Variants in FBLN7 observed in about 807,000 individuals in gnomAD.
FBLN7 encodes the protein fibulin 7.
A neutral mutation model predicts 44.0 loss-of-function variants in FBLN7; 31 were observed. That is an observed-to-expected ratio of 0.70 (90% CI 0.53 to 0.95). The LOEUF is 0.95. Among genes scored for constraint, FBLN7 ranks in the 40% least tolerant of loss-of-function variants. The pLI is 0.00. For missense variants in FBLN7, 573 were observed against 618.5 expected (o/e 0.93, Z 0.78); for synonymous variants, 262 against 253.4 (o/e 1.03, Z -0.32).
chr2:112,230,882 T>G, the FBLN7 span: 2 of 1,294,468 alleles, frequency 1.5e-6, no homozygotes, highest in East Asian at 7.3e-5. Context: ...AAAAAAGAAA[T>G]GTGGTAAATT....
chr2:112,187,707 C>CTTT lies in FBLN7; in HGVS notation c.*210_*212dup. 2 of 491,584 alleles carry CTTT rather than the reference C, an allele frequency of 4.1e-6. No individual in the cohort carries two copies. Among genetic ancestry groups the CTTT allele is most frequent in the Non-Finnish European group, 6.9e-6 (2 of 288,306 alleles). 30.5% of individuals were successfully genotyped at this position (491,584 alleles called of 1,614,324 possible). A position where few individuals can be genotyped will look rare whatever the true frequency, so the allele number is the denominator to read the frequency against. On this transcript the variant is annotated 3_prime_UTR_variant, in exon 8 of 8. Coordinates refer to ENST00000331203, the MANE Select transcript of FBLN7 (RefSeq NM_153214.3). The surrounding 1 kb of genome is among the most constrained non-coding windows in gnomAD (Gnocchi z 5.1). ...ACAAAACTCAACTGCTGCCATCACT[C>CTTT]TTTTTTTTTTTCTGCTTTGAGGCCC...
At chr2:112,186,070 G>A (rs546439499) in intron 7 of FBLN7, among the ~76,000 whole-genome samples, 1 of 152,220 alleles carries the variant, frequency 6.6e-6, no homozygotes, top group African/African-American at 2.4e-5. Flanking sequence ...AAGAAACTTA[G>A]TGGCACTGAA....
chr2:112,236,418 T>C, the FBLN7 span: 1 of 1,076,208 alleles, frequency 9.3e-7, no homozygotes, highest in Non-Finnish European at 1.3e-6. Context: ...CCAGTGACAG[T>C]AAAAGGACAT....
At chr2:112,192,152 T>C (rs1683512609), downstream of FBLN7, among the ~76,000 whole-genome samples, 1 of 152,284 alleles carries the variant, frequency 6.6e-6, no homozygotes, top group African/African-American at 2.4e-5. Context: ...TCACTCCTGA[T>C]TGACATTTGG....
chr2:112,151,090 C>T (rs977520403), intron 1 of FBLN7, among the ~76,000 whole-genome samples: 3 of 152,230 alleles, frequency 2.0e-5, no homozygotes, highest in Admixed American at 6.5e-5. Flanking sequence ...AGGGCCCAGC[C>T]GGTGCAAAGG....
At chr2:112,218,716 G>C in the FBLN7 span, among the ~76,000 whole-genome samples, 1 of 152,154 alleles carries the variant, frequency 6.6e-6, no homozygotes, top group Non-Finnish European at 1.5e-5. Context: ...TTAATCGACT[G>C]TTTATGTTCT....
intron 1 of FBLN7, among the ~76,000 whole-genome samples, chr2:112,143,342 G>T (rs887985254): frequency 1.3e-5 from 2 of 152,124 alleles, no homozygotes; most frequent in Non-Finnish European, 2.9e-5. Flanking sequence ...CTCTGGGCGG[G>T]CAGGGGATGC....
At chr2:112,143,384 G>A (rs1442325400) in intron 1 of FBLN7, among the ~76,000 whole-genome samples, 1 of 152,148 alleles carries the variant, frequency 6.6e-6, no homozygotes, top group South Asian at 2.1e-4. Context: ...CCTGTGTGGG[G>A]AGCTGCTATG....
chr2:112,208,731 T>G, the FBLN7 span, among the ~76,000 whole-genome samples: 2 of 152,212 alleles, frequency 1.3e-5, no homozygotes, highest in Admixed American at 6.5e-5. Context: ...CTGATAGTTT[T>G]TAATATTATC....
chr2:112,181,741 G>A lies in FBLN7; in HGVS notation c.535G>A (p.Ala179Thr). The A allele has an allele frequency of 5.1e-6, 7 of 1,381,572 alleles. No individual in the cohort carries two copies. Among genetic ancestry groups the A allele is most frequent in the South Asian group, 3.3e-5 (2 of 61,270 alleles). 85.6% of individuals were successfully genotyped at this position (1,381,572 alleles called of 1,614,324 possible). ...CTGAGCGTGTCTTCTCCCCGCAGCCGCCCCCGAGGGCAGCGTGGCCGGCGA... is the reference window on the plus strand; with the variant it reads ...CTGAGCGTGTCTTCTCCCCGCAGCCACCCCCGAGGGCAGCGTGGCCGGCGA... The part of the protein sequence containing the change: ...NRCQHQAQTA[A>T]PEGSVAGDSA... Residue 179 changes from alanine to threonine, a missense_variant and splice_region_variant, in exon 5 of 8, where the codon GCC (alanine) becomes ACC (threonine). Transcript: ENST00000331203.
chr2:112,207,755 A>T, the FBLN7 span, among the ~76,000 whole-genome samples: 69 of 152,316 alleles, frequency 4.5e-4, 2 homozygotes, highest in African/African-American at 1.3e-3. Context: ...CCCTTTTGTT[A>T]TTATGCAGTG....
At chr2:112,144,786 A>C (rs974538768) in intron 1 of FBLN7, among the ~76,000 whole-genome samples, 1 of 151,882 alleles carries the variant, frequency 6.6e-6, no homozygotes, top group Non-Finnish European at 1.5e-5. Context: ...CGGCCTCCCA[A>C]AGTGTTGGGA....
At chr2:112,233,616 C>T in the FBLN7 span, among the ~76,000 whole-genome samples, 11 of 152,202 alleles carry the variant, frequency 7.2e-5, no homozygotes, top group Non-Finnish European at 1.2e-4. Flanking sequence ...CGCCTGTAAT[C>T]CCAGCACTTT....
chr2:112,159,574 G>A (rs868195189), intron 1 of FBLN7, 102 bp from the exon 2 acceptor site: 2 of 1,350,166 alleles, frequency 1.5e-6, no homozygotes, highest in African/African-American at 1.5e-5. Flanking sequence ...AGCTTCAAAC[G>A]CGGTTTGGAC....
At chr2:112,185,468 G>A in intron 7 of FBLN7, 129 bp downstream of exon 7, 1 of 1,287,734 alleles carries the variant, frequency 7.8e-7, no homozygotes, top group South Asian at 1.6e-5. Context: ...AGGCTGGGAG[G>A]CTGGTGTCTC....
chr2:112,199,718 C>T, the FBLN7 span, among the ~76,000 whole-genome samples: 71 of 152,262 alleles, frequency 4.7e-4, no homozygotes, highest in East Asian at 6.6e-3. Context: ...TCCCTCTGCC[C>T]TCATGAATGA....
At chr2:112,238,350 G>T in the FBLN7 span, 1 of 1,613,632 alleles carries the variant, frequency 6.2e-7, no homozygotes, top group African/African-American at 1.3e-5. Flanking sequence ...TTTCTTTGTA[G>T]ATTCTTCAGG....
At chr2:112,164,187 T>A (rs1004897778) in intron 2 of FBLN7, among the ~76,000 whole-genome samples, 2 of 152,210 alleles carry the variant, frequency 1.3e-5, no homozygotes, top group Non-Finnish European at 2.9e-5. Flanking sequence ...GTCCCTAATA[T>A]AGTGCCTGCC....
chr2:112,179,074 A>G (rs529256705), intron 4 of FBLN7, among the ~76,000 whole-genome samples: 2 of 152,338 alleles, frequency 1.3e-5, no homozygotes, highest in East Asian at 3.9e-4. Context: ...ACATGATTCT[A>G]TATCTAGAAA....
Sources: allele counts gnomAD v4.1 joint callset (sites outside exome capture counted in the v4.1 genomes callset), GRCh38; gene constraint gnomAD v4.1.1; non-coding constraint Gnocchi (gnomAD v3.1); transcripts MANE v1.5; gene names NCBI Gene and HGNC (gene_info 2026-07-23, HGNC 2026-07-21).